TUBA1A: variants seen among roughly 807,000 people sequenced by gnomAD.
The protein encoded by TUBA1A is tubulin alpha 1a, also known as tubulin alpha-1A chain.
Under a neutral mutation model 34.6 loss-of-function variants are expected in TUBA1A, and 7 were observed. That is an observed-to-expected ratio of 0.20 (90% CI 0.11 to 0.38). The LOEUF is 0.38. Among genes scored for constraint, TUBA1A ranks in the 10% least tolerant of loss-of-function variants. The pLI, the probability that TUBA1A is intolerant of heterozygous loss-of-function variation, is 1.00. For missense variants in TUBA1A, 19 were observed against 581.3 expected (o/e 0.03, Z 9.95); for synonymous variants, 193 against 210.2 (o/e 0.92, Z 0.71).
At chr12:49,187,182 A>C (rs1293277125) in intron 1 of TUBA1A, 33 of 1,170,032 alleles carry the variant, frequency 2.8e-5, no homozygotes, top group Non-Finnish European at 3.2e-6. Flanking sequence ...ATTGGGATTA[A>C]TTTTACTGCT....
Position 49,188,999 on chromosome 12 carries a change from C to A in TUBA1A, c.-20G>T, listed in dbSNP as rs1337855236. The A allele has an allele frequency of 6.2e-6, 10 of 1,614,108 alleles. No homozygotes were observed. Among genetic ancestry groups the A allele is most frequent in the Non-Finnish European group, 7.6e-6 (9 of 1,180,042 alleles). ...CACCATGGTTGCTGCTTCGCGACTG[C>A]CGAGCTGATGGCGGAGACGAAGAGG... On this transcript the variant is annotated 5_prime_UTR_variant, in exon 1 of 4. Transcript: ENST00000301071. This position sits in a 1 kb window ranked among gnomAD's most constrained non-coding sequence, Gnocchi z 4.9.
In TUBA1A at chr12:49,188,363, C is replaced by A; in HGVS notation, c.3+614G>T. 2.6e-6 allele frequency: 4 copies of A among 1,534,856 alleles called. No individual in the cohort carries two copies. The highest frequency in any genetic ancestry group is 3.5e-6 in the Non-Finnish European group (4 of 1,146,100). On this transcript the variant is annotated intron_variant, in intron 1 of 3. Coordinates refer to ENST00000301071, the MANE Select transcript of TUBA1A (RefSeq NM_006009.4). The surrounding 1 kb of genome is among the most constrained non-coding windows in gnomAD (Gnocchi z 4.9). ...GCCATAGAAGCCAGAAACAAACAAC[C>A]CCGCCCCTGCGCCGCCCTGACACCC... is the stretch of plus-strand genomic sequence containing the variant.
In TUBA1A at chr12:49,186,648, G is replaced by A. The variant is rs147273934; in HGVS notation, c.189C>T (p.Pro63=). The change falls in exon 2 of 4, where the codon CCC becomes CCT. Residue 63 remains proline, a synonymous_variant. Transcript: ENST00000301071. This position sits in a 1 kb window ranked among gnomAD's most constrained non-coding sequence, Gnocchi z 6.6. ...FSETGAGKHV[P]RAVFVDLEPT... is the part of the protein sequence containing the mutation. ...GTTCCAAGTCTACAAACACTGCCCG[G>A]GGCACATGCTTGCCAGCCCCCGTCT... 502 of 1,614,114 alleles carry A rather than the reference G, an allele frequency of 3.1e-4. 1 individual carries two copies. The African/African-American group carries it at 6.1e-3, about 20-fold the overall frequency.
chr12:49,184,894 T>C lies in TUBA1A; in HGVS notation c.*116A>G. The C allele has an allele frequency of 1.3e-6, 2 of 1,536,884 alleles. No homozygotes were observed. Among genetic ancestry groups the C allele is most frequent in the Non-Finnish European group, 1.8e-6 (2 of 1,112,520 alleles). Reference sequence around the variant, plus strand: ...CATGTTTTAGAGCATAGGTCAGTAATTGTATATGAGAGCATACACTGCTAC... The same window carrying C: ...CATGTTTTAGAGCATAGGTCAGTAACTGTATATGAGAGCATACACTGCTAC... On this transcript the variant is annotated 3_prime_UTR_variant, in exon 4 of 4. Coordinates refer to ENST00000301071, the MANE Select transcript of TUBA1A (RefSeq NM_006009.4).
Position 49,189,019 on chromosome 12 carries a change from A to G in TUBA1A, c.-40T>C, listed in dbSNP as rs773953696. The G allele has an allele frequency of 1.2e-5, 19 of 1,613,844 alleles. No homozygotes were observed. Among genetic ancestry groups the G allele is most frequent in the South Asian group, 2.2e-5 (2 of 91,086 alleles). ...GACTGCCGAGCTGATGGCGGAGACG[A>G]AGAGGAGAGGTTGTTGCTTCTTACA... On this transcript the variant is annotated 5_prime_UTR_variant, in exon 1 of 4. Transcript: ENST00000301071.
At position 49,186,867 on chromosome 12, in the gene TUBA1A, T is replaced by G. The variant is rs768603424; in HGVS notation, c.4-34A>C. ...AGGAAAAGTGAAAAAATCGTAAAAT[T>G]AAGGTGTATTAGCATTTCAAACTTA... On this transcript the variant is annotated intron_variant, in intron 1 of 3. Transcript: ENST00000301071. This position sits in a 1 kb window ranked among gnomAD's most constrained non-coding sequence, Gnocchi z 6.6. 23 of 1,613,704 alleles carry G rather than the reference T, an allele frequency of 1.4e-5. No individual in the cohort carries two copies. The highest frequency in any genetic ancestry group is 1.7e-5 in the Non-Finnish European group (20 of 1,179,914).
At chr12:49,187,984 T>C (rs1942201790) in intron 1 of TUBA1A, 2 of 983,116 alleles carry the variant, frequency 2.0e-6, no homozygotes, top group Non-Finnish European at 1.2e-6. Context: ...CAAAGTGGGC[T>C]TTCTCCCTCG....
chr12:49,184,974 T>A lies in TUBA1A; in HGVS notation c.*36A>T. The A allele has an allele frequency of 6.2e-7, 1 of 1,614,006 alleles. No individual in the cohort carries two copies. The highest frequency in any genetic ancestry group is 8.5e-7 in the Non-Finnish European group (1 of 1,179,882). On this transcript the variant is annotated 3_prime_UTR_variant, in exon 4 of 4. Coordinates refer to ENST00000301071, the MANE Select transcript of TUBA1A (RefSeq NM_006009.4). Reference sequence around the variant, plus strand: ...TTCAATGTTTAAAACAGAATAAGCTTCCCTGTAAAAGCAGCACCTTTGTGA... The same window carrying A: ...TTCAATGTTTAAAACAGAATAAGCTACCCTGTAAAAGCAGCACCTTTGTGA...
Position 49,186,806 on chromosome 12 carries a change from G to A in TUBA1A, c.31C>T (p.Gln11Ter). Residue 11 changes from glutamine (Q) to a stop codon, truncating the protein, a stop_gained, in exon 2 of 4, where the codon CAG becomes TAG. Coordinates refer to ENST00000301071, the MANE Select transcript of TUBA1A (RefSeq NM_006009.4). LOFTEE classifies it high-confidence loss of function. The surrounding 1 kb of genome is among the most constrained non-coding windows in gnomAD (Gnocchi z 6.6). ...GCATTGCCAATCTGGACACCAGCCTGGCCAACGTGGATGGAGATGCACTCA... is the reference window on the plus strand; with the variant it reads ...GCATTGCCAATCTGGACACCAGCCTAGCCAACGTGGATGGAGATGCACTCA... MRECISIHVGQAGVQIGNACW... is the reference protein window; with the variant it reads MRECISIHVG The A allele has an allele frequency of 6.2e-7, 1 of 1,614,180 alleles. No individual in the cohort carries two copies.
intron 1 of TUBA1A, chr12:49,187,296 A>T (rs1942192733): frequency 9.3e-7 from 1 of 1,074,174 alleles, no homozygotes; most frequent in Non-Finnish European, 1.1e-6. Context: ...ACCCTTCTGC[A>T]GTCTGTCTGC....
chr12:49,187,187 A>G, intron 1 of TUBA1A: 1 of 1,164,078 alleles, frequency 8.6e-7, no homozygotes. Context: ...GATTAATTTT[A>G]CTGCTTTCTT....
At chr12:49,187,017 G>A (rs1465231007) in intron 1 of TUBA1A, 184 bp from the exon 2 acceptor site, 1 of 1,469,508 alleles carries the variant, frequency 6.8e-7, no homozygotes, top group East Asian at 2.5e-5. Context: ...TATGGGTGTG[G>A]TCTGAATAAT....
rs1414252366 is a variant in TUBA1A, at chr12:49,186,597, T to G, written c.226+14A>C. The stretch of plus-strand genomic sequence containing the variant: ...CACCCTGGGATCTCACTTGGGTTAC[T>G]GAGGTCAACTCACCAATGACTGTGG... On this transcript the variant is annotated intron_variant, in intron 2 of 3. Transcript: ENST00000301071. This position sits in a 1 kb window ranked among gnomAD's most constrained non-coding sequence, Gnocchi z 6.6. The G allele has an allele frequency of 1.2e-6, 2 of 1,613,578 alleles. No individual in the cohort carries two copies. Among genetic ancestry groups the G allele is most frequent in the Admixed American group, 1.7e-5 (1 of 60,010 alleles).
rs949894185 is a variant in TUBA1A, at chr12:49,188,249, G to T, written c.3+728C>A. The T allele has an allele frequency of 3.0e-6, 3 of 984,314 alleles. No individual in the cohort carries two copies. Among genetic ancestry groups the T allele is most frequent in the Non-Finnish European group, 3.6e-6 (3 of 829,198 alleles). The allele number at this position is 984,314 out of a possible 1,614,324, so 61.0% of individuals were successfully genotyped here. ...AAACCCTTTTGGAGCCTACAGTTCCGCAATGATGAAAGGTTTTTTTGTTTT... is the reference window on the plus strand; with the variant it reads ...AAACCCTTTTGGAGCCTACAGTTCCTCAATGATGAAAGGTTTTTTTGTTTT... On this transcript the variant is annotated intron_variant, in intron 1 of 3. Coordinates refer to ENST00000301071, the MANE Select transcript of TUBA1A (RefSeq NM_006009.4). The surrounding 1 kb of genome is among the most constrained non-coding windows in gnomAD (Gnocchi z 4.9).
rs770156445 is a variant in TUBA1A at position 49,185,035 on chromosome 12, C to A, written c.1331G>T (p.Gly444Val). The A allele has an allele frequency of 1.2e-6, 2 of 1,614,074 alleles. No individual in the cohort carries two copies. Among genetic ancestry groups the A allele is most frequent in the African/African-American group, 2.7e-5 (2 of 74,934 alleles). Residue 444 changes from glycine to valine, a missense_variant, in exon 4 of 4, where the codon GGT becomes GTT. Physicochemically the swap from Gly to Val is moderately radical, Grantham distance 109 (BLOSUM62 -3). This residue lies in a region of TUBA1A where 5 missense variants were observed against 16.2 expected (regional missense o/e 0.31). Coordinates refer to ENST00000301071, the MANE Select transcript of TUBA1A (RefSeq NM_006009.4). ...EVGVDSVEGE[G>V]EEEGEEY is the part of the protein sequence containing the mutation. ...TTAGTATTCCTCTCCTTCTTCCTCA[C>A]CCTCTCCTTCAACAGAATCCACACC...
In TUBA1A at chr12:49,186,238, G is replaced by GA. The variant is rs937598816; in HGVS notation, c.375+71dup. 5.5e-5 allele frequency: 89 copies of GA among 1,603,818 alleles called. No homozygotes were observed. Among genetic ancestry groups the GA allele is most frequent in the Admixed American group, 5.5e-4 (33 of 59,628 alleles). Reference sequence around the variant, plus strand: ...AAAATAACAGTTCAATTCTGTGTTTGAAAAAAAAAGCATTATTTCAAATGT... The same window carrying GA: ...AAAATAACAGTTCAATTCTGTGTTTGAAAAAAAAAAGCATTATTTCAAATGT... On this transcript the variant is annotated intron_variant, in intron 3 of 3. Transcript: ENST00000301071. The surrounding 1 kb of genome is among the most constrained non-coding windows in gnomAD (Gnocchi z 6.6).
Position 49,186,020 on chromosome 12 carries a change from G to T in TUBA1A, c.376-30C>A. 1 of 1,613,764 alleles carries T rather than the reference G, an allele frequency of 6.2e-7. No individual in the cohort carries two copies. The highest frequency in any genetic ancestry group is 8.5e-7 in the Non-Finnish European group (1 of 1,179,938). On this transcript the variant is annotated intron_variant, in intron 3 of 3. Transcript: ENST00000301071. This position sits in a 1 kb window ranked among gnomAD's most constrained non-coding sequence, Gnocchi z 6.6. ...AACAAAAGAGAGGAACAGAGGAAAG[G>T]TTAAGTTTTTATTCTTTGTAGTACA... is the stretch of plus-strand genomic sequence containing the variant.
chr12:49,184,856 G>A lies in TUBA1A; in HGVS notation c.*154C>T. 7.8e-7 allele frequency: 1 copy of A among 1,287,544 alleles called. No homozygotes were observed. The highest frequency in any genetic ancestry group is 1.1e-6 in the Non-Finnish European group (1 of 897,392). The allele number at this position is 1,287,544 out of a possible 1,614,324, so 79.8% of individuals were successfully genotyped here. A position where few individuals can be genotyped will look rare whatever the true frequency, so the allele number is the denominator to read the frequency against. On this transcript the variant is annotated 3_prime_UTR_variant, in exon 4 of 4. Transcript: ENST00000301071. ...TCACAGAAATGGACAGCTTGGGTCT[G>A]TAACAAAGCATTCATGTTTTAGAGC...
Position 49,186,046 on chromosome 12 carries a change from A to T in TUBA1A, c.376-56T>A. On this transcript the variant is annotated intron_variant, in intron 3 of 3. Transcript: ENST00000301071. The surrounding 1 kb of genome is among the most constrained non-coding windows in gnomAD (Gnocchi z 6.6). ...TTAAGTTTTTATTCTTTGTAGTACA[A>T]TCATAGTAAATATATTTTCACTTTT... The T allele has an allele frequency of 6.2e-7, 1 of 1,604,316 alleles. No homozygotes were observed. The highest frequency in any genetic ancestry group is 8.5e-7 in the Non-Finnish European group (1 of 1,175,438).
Sources: gnomAD v4.1 joint callset for allele counts on GRCh38, gnomAD v4.1.1 for gene constraint, gnomAD v4.1.1 regional missense constraint, Gnocchi (gnomAD v3.1) non-coding constraint, MANE v1.5 for transcripts, NCBI Gene and HGNC (gene_info 2026-07-23, HGNC 2026-07-21) for gene names.